Variants in ZNF248 observed in about 807,000 individuals in gnomAD.
ZNF248 encodes the protein zinc finger protein 248.
In ZNF248, 20 loss-of-function variants were observed where a neutral mutation model predicts 44.3. That is an observed-to-expected ratio of 0.45 (90% CI 0.32 to 0.66). The LOEUF (loss-of-function observed/expected upper bound fraction) is 0.66. Ranked by LOEUF, ZNF248 falls within the 30% of genes least tolerant of loss-of-function variation. The pLI is 0.04. For synonymous variants in ZNF248, 224 were observed against 229.0 expected (o/e 0.98, Z 0.20); for missense variants, 654 against 677.0 (o/e 0.97, Z 0.38).
intron 6 of ZNF248, chr10:37,803,002 T>G (rs1419047297): frequency 1.3e-5 from 2 of 152,134 alleles, no homozygotes; most frequent in Non-Finnish European, 2.9e-5. Flanking sequence ...ATACTTTTTT[T>G]TTGTAGAGAC....
chr10:37,765,201 C>G, the ZNF248 span, among the ~76,000 whole-genome samples: 1 of 152,126 alleles, frequency 6.6e-6, no homozygotes, highest in African/African-American at 2.4e-5. Context: ...AGGTGATCTG[C>G]CCACCTCGGC....
intron 6 of ZNF248, among the ~76,000 whole-genome samples, chr10:37,815,514 GT>G (rs1366921922): frequency 6.6e-6 from 1 of 151,802 alleles, no homozygotes. Flanking sequence ...CTTTATTGAT[GT>G]TTCCATTTTG....
At chr10:37,780,866 G>A (rs1369956930) in intron 6 of ZNF248, among the ~76,000 whole-genome samples, 1 of 152,170 alleles carries the variant, frequency 6.6e-6, no homozygotes. Flanking sequence ...CGCTCCCGGA[G>A]TGGTGTATAG....
Position 37,831,156 on chromosome 10 carries a change from T to C in ZNF248, c.*459A>G, listed in dbSNP as rs2055517417. 1.3e-6 allele frequency: 2 copies of C among 1,505,662 alleles called. No individual in the cohort carries two copies. The highest frequency in any genetic ancestry group is 1.8e-6 in the Non-Finnish European group (2 of 1,124,936). 93.3% of individuals were successfully genotyped at this position (1,505,662 alleles called of 1,614,324 possible). On this transcript the variant is annotated 3_prime_UTR_variant, in exon 6 of 6. Transcript: ENST00000395867. ...TAGTAGTTACTCAATTAAGGGTACG[T>C]ATCTTCTCCTTATGATCATGTTGAG...
chr10:37,857,135 G>A (rs142546439), intron 1 of ZNF248, 50 bp downstream of exon 1: 3 of 152,964 alleles, frequency 2.0e-5, no homozygotes, highest in African/African-American at 4.8e-5. Context: ...AGACTCTCCA[G>A]AGGTGACGTT....
At chr10:37,833,879 G>T (rs1369448595) in intron 5 of ZNF248, among the ~76,000 whole-genome samples, 2 of 152,030 alleles carry the variant, frequency 1.3e-5, no homozygotes, top group Non-Finnish European at 2.9e-5. Context: ...CAAGGGAGTT[G>T]TTTTTTTAAA....
downstream of ZNF248, among the ~76,000 whole-genome samples, chr10:37,773,419 T>C (rs2046347916): frequency 6.6e-6 from 1 of 152,128 alleles, no homozygotes; most frequent in South Asian, 2.1e-4. Context: ...TATAGAGAAA[T>C]TGGAACATTT....
intron 6 of ZNF248, among the ~76,000 whole-genome samples, chr10:37,817,276 A>G (rs1334201498): frequency 6.6e-6 from 1 of 152,138 alleles, no homozygotes; most frequent in Non-Finnish European, 1.5e-5. Context: ...GACTTTTAGT[A>G]GATTTTTCTT....
chr10:37,826,275 G>A (rs977170994), downstream of ZNF248, among the ~76,000 whole-genome samples: 6 of 151,942 alleles, frequency 3.9e-5, no homozygotes, highest in African/African-American at 1.5e-4. Context: ...ATAACAGAAA[G>A]TACTATTTTC....
At chr10:37,758,563 T>C in the ZNF248 span, among the ~76,000 whole-genome samples, 1 of 152,218 alleles carries the variant, frequency 6.6e-6, no homozygotes, top group African/African-American at 2.4e-5. Flanking sequence ...CTTATTTTAA[T>C]GAAAGTCATA....
intron 5 of ZNF248, among the ~76,000 whole-genome samples, chr10:37,836,771 TACACACACACACAC>T (rs72082671): frequency 2.5e-4 from 37 of 148,492 alleles, no homozygotes; most frequent in East Asian, 2.0e-3. Context: ...CACAGACATG[TACACACACACACAC>T]ACACACACAC....
chr10:37,769,695 C>G, the ZNF248 span, among the ~76,000 whole-genome samples: 1 of 152,230 alleles, frequency 6.6e-6, no homozygotes, highest in African/African-American at 2.4e-5. Flanking sequence ...TGGAAGCATT[C>G]CCTTTGAAAA....
chr10:37,816,425 GT>G (rs1408922242), intron 6 of ZNF248, among the ~76,000 whole-genome samples: 1 of 152,178 alleles, frequency 6.6e-6, no homozygotes, highest in Non-Finnish European at 1.5e-5. Context: ...CGGGTGATGG[GT>G]AGCCACTACC....
intron 3 of ZNF248, among the ~76,000 whole-genome samples, chr10:37,839,698 A>C (rs2134178091): frequency 6.6e-6 from 1 of 152,312 alleles, no homozygotes; most frequent in Non-Finnish European, 1.5e-5. Flanking sequence ...AGAGGAGTAA[A>C]AGGAGAACTT....
At chr10:37,793,802 T>C (rs1171403905) in intron 6 of ZNF248, among the ~76,000 whole-genome samples, 2 of 152,214 alleles carry the variant, frequency 1.3e-5, no homozygotes, top group Non-Finnish European at 2.9e-5. Flanking sequence ...TGTACACATA[T>C]ACATATAAGA....
Position 37,852,196 on chromosome 10 carries a change from G to A in ZNF248, c.15+4100C>T, listed in dbSNP as rs140143776. Among the ~76,000 whole-genome samples, 51 of 151,758 alleles carry A rather than the reference G, an allele frequency of 3.4e-4. No individual in the cohort carries two copies. The East Asian group carries it at 8.5e-3, about 25-fold the overall frequency. ...TGGGAGGCAGAGATTGCAGTGAGCCGAGATCTTGCCATTGCACTCCAGCCT... is the reference window on the plus strand; with the variant it reads ...TGGGAGGCAGAGATTGCAGTGAGCCAAGATCTTGCCATTGCACTCCAGCCT... On this transcript the variant is annotated intron_variant, in intron 3 of 5. Coordinates refer to ENST00000395867, the MANE Select transcript of ZNF248 (RefSeq NM_021045.3).
At chr10:37,822,784 C>A (rs1045330665) in intron 6 of ZNF248, among the ~76,000 whole-genome samples, 5 of 152,056 alleles carry the variant, frequency 3.3e-5, no homozygotes, top group Non-Finnish European at 7.4e-5. Context: ...AAAAAGCTCA[C>A]AATGTTTTAA....
At chr10:37,816,413 C>T (rs953021359) in intron 6 of ZNF248, among the ~76,000 whole-genome samples, 2 of 152,186 alleles carry the variant, frequency 1.3e-5, no homozygotes, top group African/African-American at 4.8e-5. Flanking sequence ...AAGCTGCTGG[C>T]ACGGGTGATG....
In ZNF248 at chr10:37,831,525, C is replaced by T. The variant is rs4575209; in HGVS notation, c.*90G>A. The T allele has an allele frequency of 1.3e-6, 2 of 1,500,374 alleles. No individual in the cohort carries two copies. Among genetic ancestry groups the T allele is most frequent in the South Asian group, 2.8e-5 (2 of 72,298 alleles). 92.9% of individuals were successfully genotyped at this position (1,500,374 alleles called of 1,614,324 possible). A position where few individuals can be genotyped will look rare whatever the true frequency, so the allele number is the denominator to read the frequency against. On this transcript the variant is annotated 3_prime_UTR_variant, in exon 6 of 6. Coordinates refer to ENST00000395867, the MANE Select transcript of ZNF248 (RefSeq NM_021045.3). Reference sequence around the variant, plus strand: ...ACATATTCAAACAAGAAGTCATTTTCTACAAATTTCTGACATTCTTTGGCT... The same window carrying T: ...ACATATTCAAACAAGAAGTCATTTTTTACAAATTTCTGACATTCTTTGGCT...
Sources: allele counts gnomAD v4.1 joint callset (sites outside exome capture counted in the v4.1 genomes callset), GRCh38; gene constraint gnomAD v4.1.1; transcripts MANE v1.5; gene names NCBI Gene and HGNC (gene_info 2026-07-23, HGNC 2026-07-21).